Variants in CASK observed in about 807,000 individuals in gnomAD.
The protein encoded by CASK is peripheral plasma membrane protein CASK.
Under a neutral mutation model 82.9 loss-of-function variants are expected in CASK, and 4 were observed. The ratio of observed to expected loss-of-function variants is 0.05; its 90% confidence interval spans 0.02 to 0.11. The LOEUF is 0.11. Ranked by LOEUF, CASK falls within the 10% of genes least tolerant of loss-of-function variation. The pLI, the probability that CASK is intolerant of heterozygous loss-of-function variation, is 1.00. For missense variants in CASK, 358 were observed against 720.9 expected, an observed-to-expected ratio of 0.50 and a Z score of 5.76; for synonymous variants, 259 against 253.5, an observed-to-expected ratio of 1.02 and a Z score of -0.20.
chrX:41,626,902 G>A (rs149795761), intron 9 of CASK, among the ~76,000 whole-genome samples, 199 bp from the exon 10 acceptor site: 1,542 of 111,695 alleles, frequency 0.014, 12 homozygotes, highest in Middle Eastern at 0.023. Flanking sequence ...AACACTAATC[G>A]GGAATTGTAG....
chrX:41,700,437 C>T (rs1036073080), intron 5 of CASK, among the ~76,000 whole-genome samples: 2 of 110,798 alleles, frequency 1.8e-5, no homozygotes, highest in African/African-American at 6.6e-5. Context: ...AATACTTTAT[C>T]AGATATTAAA....
At chrX:41,789,669 A>G (rs1442774152) in intron 2 of CASK, among the ~76,000 whole-genome samples, 1 of 111,394 alleles carries the variant, frequency 9.0e-6, no homozygotes, top group Non-Finnish European at 1.9e-5. Flanking sequence ...TTCTAGGAAA[A>G]GCTTAAAATT....
intron 3 of CASK, among the ~76,000 whole-genome samples, chrX:41,767,534 G>C (rs993199304): frequency 2.7e-5 from 3 of 111,958 alleles, no homozygotes; most frequent in Non-Finnish European, 5.6e-5. Flanking sequence ...GACTTCATCA[G>C]TTTGTCAACT....
intron 8 of CASK, among the ~76,000 whole-genome samples, chrX:41,642,598 A>T (rs1204359386): frequency 9.0e-6 from 1 of 110,880 alleles, no homozygotes; most frequent in Non-Finnish European, 1.9e-5. Flanking sequence ...GGGTTGTTTG[A>T]TTTTTTTCTT....
intron 5 of CASK, among the ~76,000 whole-genome samples, chrX:41,704,043 T>C (rs1010515725): frequency 1.8e-5 from 2 of 111,248 alleles, no homozygotes; most frequent in African/African-American, 6.5e-5. Context: ...CCCCTCCCTT[T>C]TCCCCTAATG....
intron 12 of CASK, among the ~76,000 whole-genome samples, chrX:41,590,926 A>G (rs764319371): frequency 1.8e-5 from 2 of 112,188 alleles, no homozygotes; most frequent in Non-Finnish European, 3.8e-5. Context: ...GGGCCACATC[A>G]TACATAAAAA....
At chrX:41,835,880 T>A (rs1424100781) in intron 2 of CASK, among the ~76,000 whole-genome samples, 1 of 112,441 alleles carries the variant, frequency 8.9e-6, no homozygotes, top group Non-Finnish European at 1.9e-5. Flanking sequence ...CAGGATCTGA[T>A]TAGCAAGACA....
intron 8 of CASK, among the ~76,000 whole-genome samples, chrX:41,659,779 G>A (rs747403982): frequency 2.7e-5 from 3 of 110,461 alleles, no homozygotes; most frequent in South Asian, 3.9e-4. Context: ...CGGGCAGATC[G>A]CTCGAGTCCA....
At chrX:41,828,537 A>C (rs750837786) in intron 2 of CASK, among the ~76,000 whole-genome samples, 1 of 112,193 alleles carries the variant, frequency 8.9e-6, no homozygotes, top group South Asian at 3.7e-4. Context: ...GGCATTGCTT[A>C]CTGACTTTAC....
intron 4 of CASK, among the ~76,000 whole-genome samples, chrX:41,745,143 G>A (rs1258199841): frequency 9.0e-6 from 1 of 111,589 alleles, no homozygotes; most frequent in Non-Finnish European, 1.9e-5. Context: ...TCAGCCTTCC[G>A]AGTAGCTGGG....
chrX:41,645,979 G>A (rs1006246246), intron 8 of CASK, among the ~76,000 whole-genome samples: 2 of 111,292 alleles, frequency 1.8e-5, no homozygotes, highest in Non-Finnish European at 3.8e-5. Flanking sequence ...ACAGATGACC[G>A]TTGCCCTGCT....
chrX:41,870,071 G>A (rs1331796509), intron 1 of CASK, among the ~76,000 whole-genome samples: 2 of 109,927 alleles, frequency 1.8e-5, no homozygotes, highest in African/African-American at 6.6e-5. Context: ...GAAAATCTAT[G>A]AGGAAATGGC....
intron 5 of CASK, among the ~76,000 whole-genome samples, chrX:41,690,742 A>G (rs1928256): frequency 0.066 from 7,007 of 105,716 alleles, 631 homozygotes; most frequent in African/African-American, 0.23. Flanking sequence ...GGAGTGATCT[A>G]GGATCACTGC....
chrX:41,826,335 A>G (rs939515205), intron 2 of CASK, among the ~76,000 whole-genome samples: 1 of 112,154 alleles, frequency 8.9e-6, no homozygotes, highest in South Asian at 3.7e-4. Context: ...ATTCTTAGAC[A>G]TTAATCAATG....
chrX:41,740,440 G>C (rs1268759156), intron 4 of CASK, among the ~76,000 whole-genome samples: 2 of 106,486 alleles, frequency 1.9e-5, no homozygotes, highest in Admixed American at 2.0e-4. Context: ...TGATACAAGT[G>C]ACCTTGAACA....
At chrX:41,566,539 G>A (rs1198849940) in intron 16 of CASK, among the ~76,000 whole-genome samples, 1 of 111,531 alleles carries the variant, frequency 9.0e-6, no homozygotes, top group African/African-American at 3.3e-5. Flanking sequence ...GGATGTGAAG[G>A]ACCTCTTCAA....
At chrX:41,526,942 C>T (rs181343818) in intron 25 of CASK, among the ~76,000 whole-genome samples, 1 of 111,422 alleles carries the variant, frequency 9.0e-6, no homozygotes, top group African/African-American at 3.3e-5. Flanking sequence ...CCATACTCTG[C>T]ACTACTTACG....
intron 5 of CASK, among the ~76,000 whole-genome samples, chrX:41,730,398 A>T (rs1040630531): frequency 9.0e-6 from 1 of 110,667 alleles, no homozygotes; most frequent in Non-Finnish European, 1.9e-5. Flanking sequence ...AACCCAGTAA[A>T]TTTTTTTTTC....
rs73470557 is a variant in CASK at position 41,517,427 on chromosome X, A to G, written c.*2993T>C. On this transcript the variant is annotated 3_prime_UTR_variant, in exon 27 of 27. Transcript: ENST00000378163. The stretch of plus-strand genomic sequence containing the variant: ...ACTTCCAGATGAATTAAATTGAGTG[A>G]CATTTCCCTTTTTAGCATTAAAATG... 6.4e-3 allele frequency: 997 copies of G among 155,350 alleles called. 10 individuals are homozygous for G. Among genetic ancestry groups the G allele is most frequent in the African/African-American group, 0.03 (959 of 32,481 alleles). The allele number at this position is 155,350 out of a possible 1,213,427, so 12.8% of individuals were successfully genotyped here. A position where few individuals can be genotyped will look rare whatever the true frequency, so the allele number is the denominator to read the frequency against.
Sources: allele counts gnomAD v4.1 joint callset (sites outside exome capture counted in the v4.1 genomes callset), GRCh38; gene constraint gnomAD v4.1.1; transcripts MANE v1.5; gene names NCBI Gene and HGNC (gene_info 2026-07-23, HGNC 2026-07-21).